Variants in ARHGAP23 observed in about 807,000 individuals in gnomAD.
The protein encoded by ARHGAP23 is Rho GTPase activating protein 23.
In ARHGAP23, 34 loss-of-function variants were observed where a neutral mutation model predicts 136.3. The ratio of observed to expected loss-of-function variants is 0.25; its 90% confidence interval spans 0.19 to 0.33. The LOEUF (loss-of-function observed/expected upper bound fraction) is 0.33. ARHGAP23 is among the 10% of genes least tolerant of loss of function. The probability of loss-of-function intolerance (pLI) is 1.00; values close to 1 mark genes in which losing one functional copy is unlikely to be tolerated. For synonymous variants in ARHGAP23, 832 were observed against 920.5 expected, an observed-to-expected ratio of 0.90 and a Z score of 1.74; for missense variants, 1,808 against 2,139.0, an observed-to-expected ratio of 0.85 and a Z score of 3.05.
intron 10 of ARHGAP23, 94 bp from the exon 11 acceptor site, chr17:38,471,769 A>G: frequency 7.1e-7 from 1 of 1,403,240 alleles, no homozygotes; most frequent in Admixed American, 2.1e-5. Context: ...ACAGACATAT[A>G]TCAGGCCTGT....
chr17:38,505,366 T>C (rs2040611456), intron 23 of ARHGAP23, among the ~76,000 whole-genome samples: 1 of 151,926 alleles, frequency 6.6e-6, no homozygotes, highest in African/African-American at 2.4e-5. Flanking sequence ...TCTTCTCTGG[T>C]GGTCCCTCAC....
chr17:38,467,079 C>G lies in ARHGAP23; in HGVS notation c.1396C>G (p.Pro466Ala). The G allele has an allele frequency of 6.4e-7, 1 of 1,550,976 alleles. No homozygotes were observed. The change falls in exon 7 of 24, where the codon CCC becomes GCC. Residue 466 changes from proline to alanine, a missense_variant. Pro to Ala is a conservative substitution (Grantham distance 27). Transcript: ENST00000622683. ...ATTCCCACCAGAGGCCTCCGAGCCA[C>G]CCAGGGTTGTACGGCCGGAACCCAG... Reference protein sequence around the residue: ...ASFPPEASEPPRVVRPEPSTR... With the variant: ...ASFPPEASEPARVVRPEPSTR...
chr17:38,510,569 C>G lies in ARHGAP23; in HGVS notation c.4073C>G (p.Pro1358Arg). The change falls in exon 24 of 24, where the codon CCG (proline) becomes CGG (arginine). Residue 1358 changes from proline (P) to arginine (R), a missense_variant. Physicochemically the swap from Pro to Arg is moderately radical, Grantham distance 103. Transcript: ENST00000622683. This position sits in a 1 kb window ranked among gnomAD's most constrained non-coding sequence, Gnocchi z 4.6. ...SSSSQESLRP[P>R]AAALASRPSR... The stretch of plus-strand genomic sequence containing the variant: ...AGCAGCCAGGAGTCGCTGCGGCCCC[C>G]GGCGGCGGCGCTGGCCTCCCGGCCC... The G allele has an allele frequency of 1.6e-6, 2 of 1,242,024 alleles. No individual in the cohort carries two copies. The highest frequency in any genetic ancestry group is 3.2e-5 in the South Asian group (1 of 31,626). The allele number at this position is 1,242,024 out of a possible 1,614,324, so 76.9% of individuals were successfully genotyped here.
At chr17:38,490,752 G>C (rs188930704) in intron 19 of ARHGAP23, among the ~76,000 whole-genome samples, 1 of 152,260 alleles carries the variant, frequency 6.6e-6, no homozygotes, top group East Asian at 1.9e-4. Flanking sequence ...CTGAGTTTCT[G>C]AGGGCTTTCC....
At chr17:38,498,865 C>T in intron 22 of ARHGAP23, 1 of 697,418 alleles carries the variant, frequency 1.4e-6, no homozygotes, top group Non-Finnish European at 2.6e-6. Context: ...ACCCCCGCCT[C>T]TCCCTCCTCT....
In ARHGAP23 at chr17:38,490,177, T is replaced by TA; in HGVS notation, c.3060+4dup. 1 of 1,551,368 alleles carries TA rather than the reference T, an allele frequency of 6.4e-7. No individual in the cohort carries two copies. Among genetic ancestry groups the TA allele is most frequent in the Non-Finnish European group, 8.7e-7 (1 of 1,146,728 alleles). ...CGAATGAGGACGCTGCGGAAGCTGG[T>TA]AAGGAGAGAGAGGTGCTGTCAGACA... On this transcript the variant is annotated splice_region_variant and intron_variant, in intron 18 of 23. Coordinates refer to ENST00000622683, the MANE Select transcript of ARHGAP23 (RefSeq NM_001199417.2).
Position 38,510,280 on chromosome 17 carries a change from T to C in ARHGAP23, c.3784T>C (p.Ser1262Pro). 7.8e-7 allele frequency: 1 copy of C among 1,290,148 alleles called. No individual in the cohort carries two copies. Among genetic ancestry groups the C allele is most frequent in the Non-Finnish European group, 9.8e-7 (1 of 1,019,488 alleles). 79.9% of individuals were successfully genotyped at this position (1,290,148 alleles called of 1,614,324 possible). ...TLSTMDRSVC[S>P]GASGRRAGAG... The stretch of plus-strand genomic sequence containing the variant: ...GTCCACCATGGACCGCAGCGTGTGC[T>C]CGGGCGCTAGCGGTCGGCGGGCAGG... Residue 1262 changes from serine to proline, a missense_variant, in exon 24 of 24, where the codon TCG becomes CCG. Coordinates refer to ENST00000622683, the MANE Select transcript of ARHGAP23 (RefSeq NM_001199417.2). The surrounding 1 kb of genome is among the most constrained non-coding windows in gnomAD (Gnocchi z 4.6).
chr17:38,466,988 G>A lies in ARHGAP23; in HGVS notation c.1305G>A (p.Ala435=), dbSNP rs1249033129. 3 of 1,550,590 alleles carry A rather than the reference G, an allele frequency of 1.9e-6. No homozygotes were observed. Among genetic ancestry groups the A allele is most frequent in the Admixed American group, 2.0e-5 (1 of 51,014 alleles). The change falls in exon 7 of 24, where the codon GCG becomes GCA. Residue 435 remains alanine (A), a synonymous_variant. Transcript: ENST00000622683. ...SFQRRTGLLH[A]LSFRDSPFGG... is the part of the protein sequence containing the mutation. The stretch of plus-strand genomic sequence containing the variant: ...AGCGCCGGACCGGCCTCCTCCATGC[G>A]CTCTCCTTCCGGGACTCACCCTTTG...
chr17:38,469,471 C>T (rs2039691602), intron 8 of ARHGAP23, 53 bp from the exon 9 acceptor site: 1 of 1,515,966 alleles, frequency 6.6e-7, no homozygotes, highest in South Asian at 1.2e-5. Flanking sequence ...CTCTGGGAAG[C>T]CCCTGACCTG....
chr17:38,511,042 G>C lies in ARHGAP23; in HGVS notation c.*70G>C. ...CCTTTGGAACCAGGAGGCTTCACCA[G>C]CCTGCACCTCCTCTTCTGTGGCCCC... On this transcript the variant is annotated 3_prime_UTR_variant, in exon 24 of 24. Coordinates refer to ENST00000622683, the MANE Select transcript of ARHGAP23 (RefSeq NM_001199417.2). The C allele has an allele frequency of 7.4e-7, 1 of 1,350,660 alleles. No individual in the cohort carries two copies. The highest frequency in any genetic ancestry group is 9.5e-7 in the Non-Finnish European group (1 of 1,051,024). The allele number at this position is 1,350,660 out of a possible 1,614,324, so 83.7% of individuals were successfully genotyped here.
At chr17:38,432,679 T>TA (rs553428308) in intron 1 of ARHGAP23, among the ~76,000 whole-genome samples, 3,676 of 142,746 alleles carry the variant, frequency 0.026, 56 homozygotes, top group Middle Eastern at 0.072. Context: ...AATGTAGTCT[T>TA]AAAAAAAAAA....
chr17:38,438,223 A>G (rs1224847573), intron 1 of ARHGAP23, among the ~76,000 whole-genome samples: 1 of 149,826 alleles, frequency 6.7e-6, no homozygotes, highest in Non-Finnish European at 1.5e-5. Flanking sequence ...TGGGGGGCTG[A>G]GGCAGGAGAA....
intron 23 of ARHGAP23, among the ~76,000 whole-genome samples, chr17:38,502,782 C>T (rs555676858): frequency 3.3e-5 from 5 of 152,326 alleles, no homozygotes; most frequent in African/African-American, 4.8e-5. Context: ...TGGTGGCTCA[C>T]GCCTATAATC....
chr17:38,437,381 C>A (rs934768390), intron 1 of ARHGAP23, among the ~76,000 whole-genome samples: 1 of 152,126 alleles, frequency 6.6e-6, no homozygotes, highest in African/African-American at 2.4e-5. Context: ...CTGCCTTGGT[C>A]TCCCAAAGTA....
intron 14 of ARHGAP23, among the ~76,000 whole-genome samples, 192 bp from the exon 15 acceptor site, chr17:38,481,830 G>C (rs2144718686): frequency 6.6e-6 from 1 of 152,260 alleles, no homozygotes; most frequent in South Asian, 2.1e-4. Flanking sequence ...GCATTGCTCT[G>C]GGCCTCTCCT....
At chr17:38,429,974 G>A (rs867933210) in intron 1 of ARHGAP23, among the ~76,000 whole-genome samples, 2 of 152,042 alleles carry the variant, frequency 1.3e-5, no homozygotes, top group South Asian at 2.1e-4. Flanking sequence ...CAGTCATTTC[G>A]CCTCCAAAGG....
chr17:38,463,125 G>A lies in ARHGAP23; in HGVS notation c.357G>A (p.Arg119=), dbSNP rs1452645424. The part of the protein sequence containing the change: ...AHRAGLRTGD[R]LVKVNGESVI... ...TGCGCTCCTTGTCCCCAGGAGACCGGCTGGTAAAGGTGAATGGGGAAAGCG... is the reference window on the plus strand; with the variant it reads ...TGCGCTCCTTGTCCCCAGGAGACCGACTGGTAAAGGTGAATGGGGAAAGCG... Residue 119 remains arginine (R), a synonymous_variant, in exon 5 of 24, where the codon CGG becomes CGA. Coordinates refer to ENST00000622683, the MANE Select transcript of ARHGAP23 (RefSeq NM_001199417.2). 6.4e-7 allele frequency: 1 copy of A among 1,551,400 alleles called. No homozygotes were observed. Among genetic ancestry groups the A allele is most frequent in the Admixed American group, 2.0e-5 (1 of 50,976 alleles).
intron 13 of ARHGAP23, 69 bp downstream of exon 13, chr17:38,479,566 T>C (rs2039981075): frequency 3.3e-6 from 5 of 1,503,914 alleles, no homozygotes; most frequent in Non-Finnish European, 4.5e-6. Context: ...AAAGGATGTC[T>C]TCCTGGCCCA....
At chr17:38,487,209 A>G (rs1463066808) in intron 17 of ARHGAP23, among the ~76,000 whole-genome samples, 2 of 152,204 alleles carry the variant, frequency 1.3e-5, no homozygotes, top group African/African-American at 4.8e-5. Context: ...TCTGAGATTC[A>G]TTCGTGTCAG....
Sources: allele counts gnomAD v4.1 joint callset (sites outside exome capture counted in the v4.1 genomes callset), GRCh38; gene constraint gnomAD v4.1.1; non-coding constraint Gnocchi (gnomAD v3.1); transcripts MANE v1.5; gene names NCBI Gene and HGNC (gene_info 2026-07-23, HGNC 2026-07-21).